Variants in HSF2BP observed in about 807,000 individuals in gnomAD.
HSF2BP encodes the protein heat shock factor 2-binding protein.
Under a neutral mutation model 35.0 loss-of-function variants are expected in HSF2BP, and 35 were observed. That is an observed-to-expected ratio of 1.00 (90% CI 0.76 to 1.32). The LOEUF is 1.32. Among genes scored for constraint, HSF2BP ranks in the 40% most tolerant of loss-of-function variants. The probability of loss-of-function intolerance (pLI) is 0.00; values close to 1 mark genes in which losing one functional copy is unlikely to be tolerated. For missense variants in HSF2BP, 326 were observed against 321.7 expected, an observed-to-expected ratio of 1.01 and a Z score of -0.10; for synonymous variants, 114 against 117.4, an observed-to-expected ratio of 0.97 and a Z score of 0.18.
Position 43,654,706 on chromosome 21 carries a change from C to G in HSF2BP, c.187+1881G>C, listed in dbSNP as rs536934141. Among the ~76,000 whole-genome samples, 11 of 152,242 alleles carry G rather than the reference C, an allele frequency of 7.2e-5. No homozygotes were observed. In the South Asian group the frequency reaches 8.3e-4, roughly 11 times the overall value. ...AAACAAGCAGGAAGAAATGCCAAGTCGGAGTCAGGCACAAGGCCGTGAGCT... is the reference window on the plus strand; with the variant it reads ...AAACAAGCAGGAAGAAATGCCAAGTGGGAGTCAGGCACAAGGCCGTGAGCT... On this transcript the variant is annotated intron_variant, in intron 3 of 8. Coordinates refer to ENST00000291560, the MANE Select transcript of HSF2BP (RefSeq NM_007031.2).
At chr21:43,639,628 A>G (rs909326955) in intron 4 of HSF2BP, among the ~76,000 whole-genome samples, 2 of 152,222 alleles carry the variant, frequency 1.3e-5, no homozygotes, top group African/African-American at 4.8e-5. Flanking sequence ...TCAAAATAGA[A>G]TAACACCAAA....
chr21:43,654,038 C>T (rs930498515), intron 3 of HSF2BP, among the ~76,000 whole-genome samples: 2 of 151,842 alleles, frequency 1.3e-5, no homozygotes, highest in African/African-American at 2.4e-5. Flanking sequence ...CAGCTTGCAC[C>T]GAGAAAGCAA....
intron 6 of HSF2BP, among the ~76,000 whole-genome samples, chr21:43,625,074 T>C (rs1410430118): frequency 2.6e-5 from 4 of 152,096 alleles, no homozygotes; most frequent in Non-Finnish European, 5.9e-5. Flanking sequence ...TACAGTTGAG[T>C]AGAAATTTAA....
chr21:43,618,780 CA>C (rs35186292), intron 6 of HSF2BP, among the ~76,000 whole-genome samples: 9,721 of 116,010 alleles, frequency 0.084, 582 homozygotes, highest in African/African-American at 0.2. Flanking sequence ...ACTAAAAATA[CA>C]AAAAAAAAAA....
At chr21:43,585,066 G>A (rs183828702) in intron 8 of HSF2BP, among the ~76,000 whole-genome samples, 178 of 151,772 alleles carry the variant, frequency 1.2e-3, no homozygotes, top group Non-Finnish European at 2.1e-3. Context: ...CAGCACTTTC[G>A]GAAGCCAAGG....
At chr21:43,634,779 A>G (rs1017746924) in intron 4 of HSF2BP, among the ~76,000 whole-genome samples, 2 of 152,200 alleles carry the variant, frequency 1.3e-5, no homozygotes, top group Admixed American at 6.5e-5. Flanking sequence ...CGGGTTTTTA[A>G]TGTCTTCATT....
intron 8 of HSF2BP, among the ~76,000 whole-genome samples, chr21:43,576,118 CAAAAAAAAA>C (rs34954288): frequency 1.7e-5 from 2 of 114,814 alleles, no homozygotes; most frequent in Non-Finnish European, 3.7e-5. Flanking sequence ...ATTTTGTCTC[CAAAAAAAAA>C]AAAAAAAAAA....
At chr21:43,574,588 ACCTTGTGAT>A (rs1312516114) in intron 8 of HSF2BP, among the ~76,000 whole-genome samples, 1 of 152,156 alleles carries the variant, frequency 6.6e-6, no homozygotes, top group East Asian at 1.9e-4. Context: ...CGATCTCCTG[ACCTTGTGAT>A]CCGCCCGCCT....
rs534119463 is a variant in HSF2BP, at chr21:43,636,269, A to G, written c.292-2848T>C. On this transcript the variant is annotated intron_variant, in intron 4 of 8. Transcript: ENST00000291560. Reference sequence around the variant, plus strand: ...AAAAGAAAAGAAAAGAAAAGAAAAGAAAAAACGAAGGGGAAAAAAAGAGAA... The same window carrying G: ...AAAAGAAAAGAAAAGAAAAGAAAAGGAAAAACGAAGGGGAAAAAAAGAGAA... Among the ~76,000 whole-genome samples, 24 of 146,264 alleles carry G rather than the reference A, an allele frequency of 1.6e-4. No individual in the cohort carries two copies. The South Asian group carries it at 4.5e-3, about 28-fold the overall frequency.
intron 7 of HSF2BP, among the ~76,000 whole-genome samples, chr21:43,611,255 AT>A (rs946972731): frequency 1.7e-4 from 26 of 151,736 alleles, no homozygotes; most frequent in Admixed American, 1.4e-3. Flanking sequence ...CAAAAAAAAA[AT>A]TTTTTTTGCA....
chr21:43,635,197 A>G (rs2082535489), intron 4 of HSF2BP, among the ~76,000 whole-genome samples: 1 of 152,202 alleles, frequency 6.6e-6, no homozygotes. Flanking sequence ...TTACTGAGAG[A>G]AAGTAGAGCT....
At chr21:43,655,762 G>A (rs1343680066) in intron 3 of HSF2BP, among the ~76,000 whole-genome samples, 1 of 152,210 alleles carries the variant, frequency 6.6e-6, no homozygotes, top group East Asian at 1.9e-4. Context: ...GGACTTCGGA[G>A]AGAATATAAA....
intron 3 of HSF2BP, among the ~76,000 whole-genome samples, chr21:43,650,276 G>A (rs1475741288): frequency 2.0e-5 from 3 of 151,834 alleles, no homozygotes; most frequent in African/African-American, 4.8e-5. Context: ...GTGCGATCTC[G>A]GCTCACTGCA....
intron 3 of HSF2BP, among the ~76,000 whole-genome samples, chr21:43,648,560 C>T (rs930328940): frequency 2.0e-5 from 3 of 151,922 alleles, no homozygotes; most frequent in African/African-American, 7.2e-5. Flanking sequence ...CACTTTACTC[C>T]GTTTACTCCT....
the HSF2BP span, among the ~76,000 whole-genome samples, chr21:43,467,462 T>C: frequency 1.9e-5 from 2 of 104,458 alleles, no homozygotes; most frequent in Admixed American, 2.1e-4. Context: ...CGGAAGTACT[T>C]GGCATTTCTT....
At chr21:43,613,488 C>A (rs1357531571) in intron 7 of HSF2BP, among the ~76,000 whole-genome samples, 2 of 152,142 alleles carry the variant, frequency 1.3e-5, no homozygotes, top group African/African-American at 4.8e-5. Context: ...TTTTAGCCAC[C>A]AAGTTGGTGA....
At chr21:43,573,665 A>G (rs1326905964) in intron 8 of HSF2BP, among the ~76,000 whole-genome samples, 1 of 152,132 alleles carries the variant, frequency 6.6e-6, no homozygotes, top group Non-Finnish European at 1.5e-5. Flanking sequence ...TCTCCCTCAC[A>G]GGGGACAGAC....
intron 4 of HSF2BP, among the ~76,000 whole-genome samples, chr21:43,635,466 G>GTA (rs991907986): frequency 3.3e-5 from 5 of 152,200 alleles, no homozygotes; most frequent in Non-Finnish European, 5.9e-5. Context: ...AACCATTGTG[G>GTA]TATTGCTATA....
intron 3 of HSF2BP, among the ~76,000 whole-genome samples, chr21:43,651,822 G>C (rs2082790410): frequency 6.6e-6 from 1 of 152,074 alleles, no homozygotes; most frequent in Non-Finnish European, 1.5e-5. Flanking sequence ...CCTCTCCCCA[G>C]TACCCATCAA....
Sources: gnomAD v4.1 joint callset for allele counts (sites outside exome capture counted in the v4.1 genomes callset) on GRCh38, gnomAD v4.1.1 for gene constraint, MANE v1.5 for transcripts, NCBI Gene and HGNC (gene_info 2026-07-23, HGNC 2026-07-21) for gene names.